Variants in PSD3 observed in about 807,000 individuals in gnomAD.
The protein encoded by PSD3 is PH and SEC7 domain-containing protein 3.
Under a neutral mutation model 105.5 loss-of-function variants are expected in PSD3, and 49 were observed. The ratio of observed to expected loss-of-function variants is 0.46; its 90% CI spans 0.37 to 0.59. PSD3 has a LOEUF of 0.59. PSD3 is among the 20% of genes least tolerant of loss of function. PSD3 has a pLI of 0.00. For synonymous variants in PSD3, 557 were observed against 457.8 expected (o/e 1.22, Z -2.77); for missense variants, 1,561 against 1,263.8 (o/e 1.24, Z -3.57).
chr8:18,568,107 G>T (rs1301466800), intron 14 of PSD3, among the ~76,000 whole-genome samples: 1 of 152,116 alleles, frequency 6.6e-6, no homozygotes, highest in African/African-American at 2.4e-5. Flanking sequence ...ACCAGAAGCA[G>T]ATGCTGATGC....
chr8:18,844,945 T>C (rs373526142), intron 4 of PSD3, among the ~76,000 whole-genome samples: 2 of 152,120 alleles, frequency 1.3e-5, no homozygotes, highest in African/African-American at 4.8e-5. Flanking sequence ...TCCAAATTGG[T>C]GGGAAAGGCT....
At chr8:18,868,327 G>T (rs1028170876) in intron 3 of PSD3, among the ~76,000 whole-genome samples, 2 of 152,094 alleles carry the variant, frequency 1.3e-5, no homozygotes, top group Non-Finnish European at 1.5e-5. Flanking sequence ...CTGGTCCAAT[G>T]AAGATATGAA....
chr8:18,991,844 C>G (rs1825823612), intron 1 of PSD3, among the ~76,000 whole-genome samples: 1 of 152,098 alleles, frequency 6.6e-6, no homozygotes, highest in South Asian at 2.1e-4. Context: ...AATGGCTGTG[C>G]TTTTATTGAA....
chr8:18,774,950 C>T (rs1003065367), intron 8 of PSD3: 1 of 456,046 alleles, frequency 2.2e-6, no homozygotes, highest in African/African-American at 2.0e-5. Context: ...TGCCAAATGC[C>T]CCGAGGGAAA....
At chr8:18,829,708 C>A (rs1225580917) in intron 4 of PSD3, among the ~76,000 whole-genome samples, 1 of 152,136 alleles carries the variant, frequency 6.6e-6, no homozygotes, top group Non-Finnish European at 1.5e-5. Context: ...GACATGACTT[C>A]ACAATCTCGT....
chr8:18,827,280 T>A (rs1813272538), intron 4 of PSD3, among the ~76,000 whole-genome samples: 2 of 152,114 alleles, frequency 1.3e-5, no homozygotes, highest in South Asian at 4.1e-4. Flanking sequence ...TGAACCAAAA[T>A]GTGGCATTTA....
At position 18,804,895 on chromosome 8, in the gene PSD3, A is replaced by G. The variant is rs368031843; in HGVS notation, c.1638T>C (p.Asn546=). Residue 546 remains asparagine (N), a synonymous_variant, in exon 5 of 16, where the codon AAT becomes AAC. Transcript: ENST00000327040. ...GTPEIAFWGS[N]AGVKTTRLEA... ...CTAGCCGTGTTGTTTTCACCCCAGC[A>G]TTGCTATGATAATTGATAAAGAGAG... The G allele has an allele frequency of 4.2e-5, 66 of 1,589,848 alleles. No homozygotes were observed. In the African/African-American group the frequency reaches 7.9e-4, roughly 19 times the overall value.
At chr8:18,921,937 C>T (rs1821048782) in intron 2 of PSD3, among the ~76,000 whole-genome samples, 1 of 152,156 alleles carries the variant, frequency 6.6e-6, no homozygotes, top group Non-Finnish European at 1.5e-5. Context: ...GCAACAGAAG[C>T]TTCAAGTCTG....
chr8:18,573,689 C>A (rs552186282), intron 13 of PSD3, among the ~76,000 whole-genome samples: 1 of 152,166 alleles, frequency 6.6e-6, no homozygotes. Context: ...AAGCCAGACA[C>A]AAAAGACCAC....
intron 8 of PSD3, among the ~76,000 whole-genome samples, chr8:18,781,594 T>A (rs1203685694): frequency 6.6e-6 from 1 of 152,162 alleles, no homozygotes; most frequent in African/African-American, 2.4e-5. Context: ...ATAGGGATAC[T>A]CTTCTCTGTG....
chr8:18,885,306 A>G (rs1818385105), intron 2 of PSD3, among the ~76,000 whole-genome samples: 1 of 149,234 alleles, frequency 6.7e-6, no homozygotes, highest in Non-Finnish European at 1.5e-5. Context: ...TTTAAAAGAC[A>G]AAAAAAAGTT....
intron 15 of PSD3, among the ~76,000 whole-genome samples, chr8:18,547,008 T>C (rs574613736): frequency 6.6e-6 from 1 of 152,286 alleles, no homozygotes; most frequent in African/African-American, 2.4e-5. Flanking sequence ...TGGTGGGTCA[T>C]CTGGGCTGTT....
chr8:18,603,940 C>A (rs759510047), intron 11 of PSD3, among the ~76,000 whole-genome samples: 1 of 152,098 alleles, frequency 6.6e-6, no homozygotes, highest in Non-Finnish European at 1.5e-5. Flanking sequence ...GACCCGTGAG[C>A]CAATTAAACC....
chr8:18,818,590 T>C (rs1000605449), intron 4 of PSD3, among the ~76,000 whole-genome samples: 6 of 152,084 alleles, frequency 3.9e-5, no homozygotes, highest in South Asian at 4.1e-4. Context: ...GATTCAGTTA[T>C]TGGGCACAAG....
At chr8:18,752,530 TTA>T (rs1554489448) in intron 9 of PSD3, among the ~76,000 whole-genome samples, 1 of 48,260 alleles carries the variant, frequency 2.1e-5, no homozygotes, top group African/African-American at 1.6e-4. Flanking sequence ...ATATATATAA[TTA>T]TATATTATAT....
intron 4 of PSD3, among the ~76,000 whole-genome samples, chr8:18,847,002 T>A (rs564002749): frequency 5.7e-4 from 86 of 152,020 alleles, no homozygotes; most frequent in South Asian, 1.9e-3. Flanking sequence ...GGGAGAAAAA[T>A]TCGCCTCAAT....
At chr8:19,058,159 A>C (rs1828772522) in intron 1 of PSD3, among the ~76,000 whole-genome samples, 1 of 152,204 alleles carries the variant, frequency 6.6e-6, no homozygotes, top group Non-Finnish European at 1.5e-5. Flanking sequence ...AAAATCATTG[A>C]GATTTGCTGA....
intron 1 of PSD3, among the ~76,000 whole-genome samples, chr8:18,986,127 G>A (rs1206072797): frequency 1.3e-5 from 2 of 152,080 alleles, no homozygotes; most frequent in African/African-American, 4.8e-5. Context: ...GAATTTAGGA[G>A]TTTTATCTTA....
At chr8:18,744,586 CTTTCT>C (rs1319002534) in intron 9 of PSD3, among the ~76,000 whole-genome samples, 1 of 152,184 alleles carries the variant, frequency 6.6e-6, no homozygotes, top group Non-Finnish European at 1.5e-5. Context: ...TACCCAGCAT[CTTTCT>C]TTTTTCTTCT....
Sources: allele counts gnomAD v4.1 joint callset (sites outside exome capture counted in the v4.1 genomes callset), GRCh38; gene constraint gnomAD v4.1.1; transcripts MANE v1.5; gene names NCBI Gene and HGNC (gene_info 2026-07-23, HGNC 2026-07-21).